The following NEK11 variants were observed in gnomAD, a reference collection of about 807,000 sequenced individuals.
The protein encoded by NEK11 is NIMA related kinase 11.
NEK11 carries 72 observed loss-of-function variants against 80.7 expected under a neutral mutation model. That is an observed-to-expected ratio of 0.89 (90% CI 0.74 to 1.08). The LOEUF (loss-of-function observed/expected upper bound fraction) is 1.08, where lower values mean the gene tolerates loss of function less well. NEK11 is among the 50% of genes least tolerant of loss of function. The probability of loss-of-function intolerance (pLI) is 0.00; values close to 1 mark genes in which losing one functional copy is unlikely to be tolerated. For synonymous variants in NEK11, 251 were observed against 260.7 expected, an observed-to-expected ratio of 0.96 and a Z score of 0.36; for missense variants, 764 against 763.6, an observed-to-expected ratio of 1.00 and a Z score of -0.01.
chr3:131,037,455 TG>T (rs1307860690), intron 3 of NEK11, among the ~76,000 whole-genome samples: 2 of 152,116 alleles, frequency 1.3e-5, no homozygotes, highest in Non-Finnish European at 2.9e-5. Flanking sequence ...AGCTAATTTT[TG>T]TATATTTAGT....
At chr3:131,195,703 C>T (rs1354658841) in intron 14 of NEK11, among the ~76,000 whole-genome samples, 1 of 151,188 alleles carries the variant, frequency 6.6e-6, no homozygotes, top group Non-Finnish European at 1.5e-5. Flanking sequence ...TGAGTTGATG[C>T]TGAAACAGTT....
chr3:131,181,061 T>G (rs1222546900), intron 14 of NEK11, among the ~76,000 whole-genome samples: 1 of 152,186 alleles, frequency 6.6e-6, no homozygotes, highest in African/African-American at 2.4e-5. Context: ...GCTGTCCTAA[T>G]CCTTGGAACC....
intron 16 of NEK11, among the ~76,000 whole-genome samples, chr3:131,248,667 C>T (rs138612345): frequency 1.0e-3 from 155 of 152,204 alleles, no homozygotes; most frequent in African/African-American, 3.6e-3. Flanking sequence ...TCACAGTTCT[C>T]AGTCAGTTGT....
At chr3:131,202,242 G>A (rs973192053) in intron 14 of NEK11, among the ~76,000 whole-genome samples, 6 of 152,132 alleles carry the variant, frequency 3.9e-5, no homozygotes, top group Non-Finnish European at 8.8e-5. Context: ...ATTGGGACGG[G>A]CTGGACAGTG....
chr3:131,333,996 T>TAA (rs2097139049), intron 17 of NEK11, among the ~76,000 whole-genome samples: 5 of 151,088 alleles, frequency 3.3e-5, no homozygotes, highest in African/African-American at 9.8e-5. Flanking sequence ...CAGAGAGACT[T>TAA]AGACTCCCAC....
intron 17 of NEK11, among the ~76,000 whole-genome samples, chr3:131,341,627 A>G (rs1219641861): frequency 6.6e-6 from 1 of 152,160 alleles, no homozygotes; most frequent in East Asian, 1.9e-4. Context: ...TTGTGAGAAT[A>G]TATCTGACAG....
rs1464633366 is a variant in NEK11, at chr3:131,097,949, C to G, written c.337-11854C>G. ...AACCAAAACAGCATGGTACTGGTAC[C>G]AAAACAGATATAGATCAATGGAACA... On this transcript the variant is annotated intron_variant, in intron 4 of 17. Coordinates refer to ENST00000383366, the MANE Select transcript of NEK11 (RefSeq NM_024800.5). Among the ~76,000 whole-genome samples the G allele has an allele frequency of 2.1e-5, 3 of 145,582 alleles. 1 individual carries two copies. The highest frequency in any genetic ancestry group is 7.4e-5 in the African/African-American group (3 of 40,546).
intron 14 of NEK11, among the ~76,000 whole-genome samples, chr3:131,186,692 A>G (rs2093615535): frequency 6.6e-6 from 1 of 152,188 alleles, no homozygotes; most frequent in African/African-American, 2.4e-5. Flanking sequence ...GCTAAGGAGC[A>G]TAAGAAGGAC....
intron 16 of NEK11, among the ~76,000 whole-genome samples, chr3:131,273,116 C>T (rs900552357): frequency 1.8e-4 from 27 of 152,196 alleles, no homozygotes; most frequent in Non-Finnish European, 1.5e-4. Context: ...CAAACATCCA[C>T]ACCTGCTGAA....
chr3:131,267,444 A>G (rs530073930), intron 16 of NEK11, among the ~76,000 whole-genome samples: 4 of 152,254 alleles, frequency 2.6e-5, no homozygotes, highest in African/African-American at 4.8e-5. Flanking sequence ...TCCCTCGCTT[A>G]TGAAGCTTAG....
chr3:131,051,780 C>T (rs2068456637), intron 3 of NEK11, among the ~76,000 whole-genome samples: 1 of 152,148 alleles, frequency 6.6e-6, no homozygotes, highest in African/African-American at 2.4e-5. Flanking sequence ...ATCCTCCCTC[C>T]TCAGCCTCCA....
rs1372729417 is a variant in NEK11, at chr3:131,297,967, T to A, written c.1718+24393T>A. Reference sequence around the variant, plus strand: ...TTTCTCGGGTTTGTCAAAGATCAGATAGTTGTAGATATGCGGCGTTATTTC... The same window carrying A: ...TTTCTCGGGTTTGTCAAAGATCAGAAAGTTGTAGATATGCGGCGTTATTTC... On this transcript the variant is annotated intron_variant, in intron 17 of 17. Coordinates refer to ENST00000383366, the MANE Select transcript of NEK11 (RefSeq NM_024800.5). Among the ~76,000 whole-genome samples, 3 of 151,892 alleles carry A rather than the reference T, an allele frequency of 2.0e-5. No homozygotes were observed. The East Asian group carries it at 5.8e-4, about 29-fold the overall frequency.
intron 3 of NEK11, among the ~76,000 whole-genome samples, chr3:131,064,366 G>T (rs1301374431): frequency 1.3e-5 from 2 of 152,170 alleles, no homozygotes; most frequent in Non-Finnish European, 2.9e-5. Flanking sequence ...TCCTTGGCTT[G>T]TAGATGGCCA....
At chr3:131,257,507 T>C (rs2095838246) in intron 16 of NEK11, among the ~76,000 whole-genome samples, 1 of 152,148 alleles carries the variant, frequency 6.6e-6, no homozygotes, top group African/African-American at 2.4e-5. Context: ...AGGATAGAAT[T>C]TTAGGAATAA....
At chr3:131,080,039 T>G (rs201523508) in intron 3 of NEK11, among the ~76,000 whole-genome samples, 37 of 148,948 alleles carry the variant, frequency 2.5e-4, no homozygotes, top group African/African-American at 7.6e-4. Context: ...GTGTGTGTGT[T>G]TGTGTGTGTG....
intron 17 of NEK11, among the ~76,000 whole-genome samples, chr3:131,287,709 C>T (rs1367893017): frequency 6.6e-6 from 1 of 152,188 alleles, no homozygotes; most frequent in Non-Finnish European, 1.5e-5. Flanking sequence ...CTACTTGCCA[C>T]AAGTCCTTCA....
chr3:131,245,092 A>G lies in NEK11; in HGVS notation c.1621+1596A>G, dbSNP rs143825806. Among the ~76,000 whole-genome samples the G allele has an allele frequency of 9.4e-4, 143 of 152,056 alleles. 1 individual carries two copies. Among genetic ancestry groups the G allele is most frequent in the Admixed American group, 2.0e-3 (30 of 15,268 alleles). ...TTTTTTATCACTCACCTCTCTCCCAACTTCCCACTCTTCTGAGTCTCCAAC... is the reference window on the plus strand; with the variant it reads ...TTTTTTATCACTCACCTCTCTCCCAGCTTCCCACTCTTCTGAGTCTCCAAC... On this transcript the variant is annotated intron_variant, in intron 16 of 17. Transcript: ENST00000383366.
chr3:131,178,530 A>C (rs1169847571), intron 14 of NEK11, among the ~76,000 whole-genome samples: 1 of 152,194 alleles, frequency 6.6e-6, no homozygotes, highest in Non-Finnish European at 1.5e-5. Context: ...ACGAACACAC[A>C]TATTAGCCTA....
chr3:131,154,769 A>G lies in NEK11; in HGVS notation c.877-267A>G, dbSNP rs147905383. 5.1e-3 allele frequency: 1,855 copies of G among 363,416 alleles called. 29 individuals carry two copies. Among genetic ancestry groups the G allele is most frequent in the African/African-American group, 0.034 (1,700 of 49,394 alleles). 22.5% of individuals were successfully genotyped at this position (363,416 alleles called of 1,614,324 possible). A position where few individuals can be genotyped will look rare whatever the true frequency, so the allele number is the denominator to read the frequency against. ...CTTGTGTCTTCTTGTAGCTGAAAGT[A>G]GGCCTGCCCATGATTGGCAAAAGGG... On this transcript the variant is annotated intron_variant, in intron 9 of 17. Transcript: ENST00000383366.
Sources: gnomAD v4.1 joint callset for allele counts (sites outside exome capture counted in the v4.1 genomes callset) on GRCh38, gnomAD v4.1.1 for gene constraint, MANE v1.5 for transcripts, NCBI Gene and HGNC (gene_info 2026-07-23, HGNC 2026-07-21) for gene names.